The following KRT8 variants were observed in gnomAD, a reference collection of about 807,000 sequenced individuals.
KRT8 encodes keratin, type II cytoskeletal 8.
In KRT8, 24 loss-of-function variants were observed where a neutral mutation model predicts 43.0. The ratio of observed to expected loss-of-function variants is 0.56; its 90% CI spans 0.40 to 0.78. KRT8 has a LOEUF of 0.78. Among genes scored for constraint, KRT8 ranks in the 30% least tolerant of loss-of-function variants. The probability of loss-of-function intolerance (pLI) is 0.00; values close to 1 mark genes in which losing one functional copy is unlikely to be tolerated. For synonymous variants in KRT8, 214 were observed against 261.2 expected (o/e 0.82, Z 1.74); for missense variants, 492 against 638.4 (o/e 0.77, Z 2.47).
chr12:52,910,874 T>C (rs144483484), upstream of KRT8, among the ~76,000 whole-genome samples: 26 of 152,060 alleles, frequency 1.7e-4, no homozygotes, highest in South Asian at 4.8e-3. Context: ...AAGGTGGGAG[T>C]TGGGGACAGG....
chr12:52,921,389 G>C (rs994570088), intron 2 of KRT8, among the ~76,000 whole-genome samples: 1 of 152,102 alleles, frequency 6.6e-6, no homozygotes, highest in African/African-American at 2.4e-5. Flanking sequence ...GCTCACAATT[G>C]TCCAGCTGCA....
At chr12:52,917,954 G>C (rs1490046977) in intron 2 of KRT8, among the ~76,000 whole-genome samples, 2 of 138,424 alleles carry the variant, frequency 1.4e-5, no homozygotes, top group Admixed American at 1.6e-4. Context: ...AAGAGGAAGA[G>C]GAAGAAGAAG....
At chr12:52,936,539 T>C (rs1022411640) in intron 2 of KRT8, among the ~76,000 whole-genome samples, 3 of 151,976 alleles carry the variant, frequency 2.0e-5, no homozygotes, top group African/African-American at 7.3e-5. Flanking sequence ...TGAGATGGAG[T>C]TTCACTCTTG....
upstream of KRT8, among the ~76,000 whole-genome samples, chr12:52,907,714 C>T (rs1941550774): frequency 6.6e-6 from 1 of 152,216 alleles, no homozygotes; most frequent in South Asian, 2.1e-4. Flanking sequence ...TTTGTCATCT[C>T]TCTATTGCCC....
At chr12:52,934,695 G>A (rs1355411894) in intron 2 of KRT8, among the ~76,000 whole-genome samples, 1 of 151,902 alleles carries the variant, frequency 6.6e-6, no homozygotes. Context: ...CAGGCCAGGT[G>A]CGGTGGCTCA....
intron 2 of KRT8, chr12:52,948,827 A>C (rs1424720648): frequency 2.4e-6 from 1 of 412,260 alleles, no homozygotes; most frequent in East Asian, 3.6e-5. Context: ...CACCTCCTCC[A>C]CCTGGGGGAG....
At chr12:52,935,084 G>GA (rs1315411845) in intron 2 of KRT8, among the ~76,000 whole-genome samples, 207 of 124,102 alleles carry the variant, frequency 1.7e-3, no homozygotes, top group Non-Finnish European at 2.1e-3. Flanking sequence ...CATCTCAAAA[G>GA]AAAAAAAAAA....
intron 2 of KRT8, among the ~76,000 whole-genome samples, chr12:52,912,969 T>A (rs2120619879): frequency 6.6e-6 from 1 of 152,264 alleles, no homozygotes; most frequent in South Asian, 2.1e-4. Flanking sequence ...GCAACCTGGT[T>A]TTGTGAAATG....
intron 2 of KRT8, among the ~76,000 whole-genome samples, chr12:52,941,749 A>AAAT (rs1296930509): frequency 2.0e-5 from 3 of 151,944 alleles, no homozygotes; most frequent in Non-Finnish European, 4.4e-5. Context: ...CAGCCTCCCA[A>AAAT]AATACTGGGA....
chr12:52,934,453 G>A (rs1314317019), intron 2 of KRT8, among the ~76,000 whole-genome samples: 2 of 152,016 alleles, frequency 1.3e-5, no homozygotes, highest in Non-Finnish European at 2.9e-5. Context: ...CCAGCTACTC[G>A]GAAGGTTGAG....
intron 2 of KRT8, among the ~76,000 whole-genome samples, chr12:52,919,516 C>T (rs1941842735): frequency 6.6e-6 from 1 of 152,112 alleles, no homozygotes; most frequent in Admixed American, 6.6e-5. Flanking sequence ...GATCTGCTCG[C>T]CTCAGCCTCC....
At chr12:52,925,967 T>C (rs1041611515) in intron 2 of KRT8, among the ~76,000 whole-genome samples, 2 of 152,192 alleles carry the variant, frequency 1.3e-5, no homozygotes, top group East Asian at 3.9e-4. Flanking sequence ...ATGTTCTCTG[T>C]GTCCCTGAGA....
intron 2 of KRT8, among the ~76,000 whole-genome samples, chr12:52,919,414 G>A (rs1941841011): frequency 1.3e-5 from 2 of 151,918 alleles, no homozygotes; most frequent in African/African-American, 4.8e-5. Flanking sequence ...CTACAGGCAT[G>A]TACCACCACT....
chr12:52,918,183 A>AGAAGAAGAAGAAGAAGAG (rs1941801390), intron 2 of KRT8, among the ~76,000 whole-genome samples: 1 of 108,362 alleles, frequency 9.2e-6, no homozygotes, highest in Non-Finnish European at 1.8e-5. Context: ...AGGAAGAGGA[A>AGAAGAAGAAGAAGAAGAG]GAAGAAGAAG....
upstream of KRT8, among the ~76,000 whole-genome samples, chr12:52,909,253 T>C (rs1242151416): frequency 1.3e-5 from 2 of 152,212 alleles, no homozygotes; most frequent in Non-Finnish European, 2.9e-5. Flanking sequence ...TTTGTTTAGA[T>C]GCCCCAGGTA....
intron 2 of KRT8, chr12:52,946,571 C>A (rs185001508): frequency 6.6e-6 from 1 of 152,268 alleles, no homozygotes; most frequent in East Asian, 1.9e-4. Context: ...TCCAGGCTGG[C>A]TGACTTAAAG....
At chr12:52,897,689 CT>C in intron 7 of KRT8, 71 bp from the exon 8 acceptor site, 2 of 1,592,280 alleles carry the variant, frequency 1.3e-6, no homozygotes, top group Non-Finnish European at 1.7e-6. Context: ...CCCCTTCTCC[CT>C]GCTCATTCCC....
chr12:52,949,667 T>G (rs1307662739), intron 1 of KRT8: 1 of 1,303,180 alleles, frequency 7.7e-7, no homozygotes, highest in Non-Finnish European at 1.1e-6. Flanking sequence ...CTTTCCGTCA[T>G]TCCATAACCA....
intron 2 of KRT8, among the ~76,000 whole-genome samples, chr12:52,944,307 G>A (rs1250078688): frequency 1.3e-5 from 2 of 152,102 alleles, no homozygotes; most frequent in African/African-American, 4.8e-5. Flanking sequence ...TACTGCCCAG[G>A]CTGGTCTCAA....
Sources: gnomAD v4.1 joint callset for allele counts (sites outside exome capture counted in the v4.1 genomes callset) on GRCh38, gnomAD v4.1.1 for gene constraint, MANE v1.5 for transcripts, NCBI Gene and HGNC (gene_info 2026-07-23, HGNC 2026-07-21) for gene names.